The following RIMKLB variants were observed in gnomAD, a reference collection of about 807,000 sequenced individuals.
The protein encoded by RIMKLB is ribosomal modification protein rimK like family member B.
Under a neutral mutation model 32.0 loss-of-function variants are expected in RIMKLB, and 7 were observed. The observed-to-expected ratio is 0.22, with a 90% confidence interval of 0.12 to 0.41. The LOEUF (loss-of-function observed/expected upper bound fraction) is 0.41. Ranked by LOEUF, RIMKLB falls within the 10% of genes least tolerant of loss-of-function variation. The pLI, the probability that RIMKLB is intolerant of heterozygous loss-of-function variation, is 1.00. For synonymous variants in RIMKLB, 172 were observed against 185.1 expected (o/e 0.93, Z 0.57); for missense variants, 289 against 498.7 (o/e 0.58, Z 4.00).
chr12:8,752,012 A>G lies in RIMKLB; in HGVS notation c.462A>G (p.Pro154=). 2 of 1,613,472 alleles carry G rather than the reference A, an allele frequency of 1.2e-6. No individual in the cohort carries two copies. The highest frequency in any genetic ancestry group is 1.7e-6 in the Non-Finnish European group (2 of 1,179,450). ...MIDEAEVLEF[P]MVVKNTRGHR... is the part of the protein sequence containing the mutation. ...ATGAGGCTGAAGTTCTGGAGTTCCC[A>G]ATGGTAGTAAAGAATACGCGGGGTC... The change falls in exon 4 of 6, where the codon CCA becomes CCG. Residue 154 remains proline, a synonymous_variant. Transcript: ENST00000535829.
chr12:8,749,095 C>T (rs1948406614), intron 2 of RIMKLB, among the ~76,000 whole-genome samples: 1 of 152,054 alleles, frequency 6.6e-6, no homozygotes, highest in Non-Finnish European at 1.5e-5. Flanking sequence ...AAAAAACATA[C>T]AAAACATAAT....
At chr12:8,737,460 T>G (rs1947113838) in intron 2 of RIMKLB, among the ~76,000 whole-genome samples, 2 of 152,208 alleles carry the variant, frequency 1.3e-5, no homozygotes, top group African/African-American at 4.8e-5. Flanking sequence ...TCTCAACATT[T>G]GATTACTTGG....
intron 5 of RIMKLB, among the ~76,000 whole-genome samples, chr12:8,766,195 AT>A (rs1411073171): frequency 6.6e-6 from 1 of 152,126 alleles, no homozygotes; most frequent in Non-Finnish European, 1.5e-5. Flanking sequence ...TATGGTCTTA[AT>A]GCTTATTCCT....
At chr12:8,703,615 C>A (rs1943600792) in intron 1 of RIMKLB, among the ~76,000 whole-genome samples, 1 of 152,060 alleles carries the variant, frequency 6.6e-6, no homozygotes, top group Non-Finnish European at 1.5e-5. Context: ...AGATGAGGTC[C>A]CACTGTGTTG....
At chr12:8,771,867 AGTTTTGTTTTTGTTTT>A (rs924045110) in intron 5 of RIMKLB, among the ~76,000 whole-genome samples, 54 of 151,820 alleles carry the variant, frequency 3.6e-4, no homozygotes, top group Non-Finnish European at 7.8e-4. Context: ...TCAGTTCTCC[AGTTTTGTTTTTGTTTT>A]GTTTTGTTTT....
chr12:8,677,977 C>A (rs1372576802), upstream of RIMKLB, among the ~76,000 whole-genome samples: 1 of 151,264 alleles, frequency 6.6e-6, no homozygotes, highest in Non-Finnish European at 1.5e-5. Context: ...GAGACAGCAT[C>A]TTGCCATGTT....
At chr12:8,757,573 A>C (rs1474327840) in intron 5 of RIMKLB, among the ~76,000 whole-genome samples, 1 of 152,090 alleles carries the variant, frequency 6.6e-6, no homozygotes. Flanking sequence ...TAAGTTGTCA[A>C]TATAGTTATC....
downstream of RIMKLB, chr12:8,780,699 A>G (rs1017017641): frequency 6.6e-6 from 1 of 152,206 alleles, no homozygotes; most frequent in Non-Finnish European, 1.5e-5. Context: ...GGGGACAAAA[A>G]TGGAAACAGG....
In RIMKLB at chr12:8,776,274, CAT is replaced by C. The variant is rs1950721963; in HGVS notation, c.*2491_*2492del. The C allele has an allele frequency of 1.0e-6, 1 of 977,602 alleles. No homozygotes were observed. Among genetic ancestry groups the C allele is most frequent in the Non-Finnish European group, 1.2e-6 (1 of 822,952 alleles). The allele number at this position is 977,602 out of a possible 1,614,324, so 60.6% of individuals were successfully genotyped here. A position where few individuals can be genotyped will look rare whatever the true frequency, so the allele number is the denominator to read the frequency against. ...CACATGATATTAAAACGTACACTCA[CAT>C]GTTAGAATGAAAAGAGCAGTAGTTA... On this transcript the variant is annotated 3_prime_UTR_variant, in exon 6 of 6. Coordinates refer to ENST00000535829, the MANE Select transcript of RIMKLB (RefSeq NM_001297776.2).
At chr12:8,684,874 C>T (rs998363260) in intron 1 of RIMKLB, among the ~76,000 whole-genome samples, 2 of 152,192 alleles carry the variant, frequency 1.3e-5, no homozygotes, top group East Asian at 1.9e-4. Flanking sequence ...CTGCTCACCT[C>T]GGCCTTCCAA....
At chr12:8,669,888 G>A in the RIMKLB span, among the ~76,000 whole-genome samples, 5 of 151,830 alleles carry the variant, frequency 3.3e-5, no homozygotes, top group Admixed American at 6.6e-5. Flanking sequence ...TTAGCCGGGC[G>A]TGGTGGCGGG....
At chr12:8,721,371 A>G (rs1404995756) in intron 2 of RIMKLB, among the ~76,000 whole-genome samples, 1 of 152,198 alleles carries the variant, frequency 6.6e-6, no homozygotes, top group Admixed American at 6.5e-5. Flanking sequence ...TCAAAATTGG[A>G]GTCAGTCCTC....
chr12:8,739,642 T>A (rs2137463749), intron 2 of RIMKLB, among the ~76,000 whole-genome samples: 1 of 152,296 alleles, frequency 6.6e-6, no homozygotes, highest in Non-Finnish European at 1.5e-5. Flanking sequence ...GACTGATTTT[T>A]AAAAATTTTT....
chr12:8,725,880 C>T (rs1945937849), intron 2 of RIMKLB, among the ~76,000 whole-genome samples: 2 of 152,302 alleles, frequency 1.3e-5, no homozygotes, highest in South Asian at 2.1e-4. Context: ...CAAGGTCTCA[C>T]TGTGTCACCC....
intron 2 of RIMKLB, among the ~76,000 whole-genome samples, chr12:8,727,194 GCAAT>G (rs1946096865): frequency 6.6e-6 from 1 of 152,148 alleles, no homozygotes; most frequent in Non-Finnish European, 1.5e-5. Context: ...GATTATACAC[GCAAT>G]CAAATAAAGT....
the RIMKLB span, among the ~76,000 whole-genome samples, chr12:8,675,468 C>T: frequency 6.6e-6 from 1 of 152,200 alleles, no homozygotes; most frequent in Non-Finnish European, 1.5e-5. Context: ...CCTTAATCCA[C>T]TCCCAACTCT....
At chr12:8,720,008 G>A (rs1350830220) in intron 2 of RIMKLB, among the ~76,000 whole-genome samples, 1 of 152,170 alleles carries the variant, frequency 6.6e-6, no homozygotes, top group Admixed American at 6.5e-5. Flanking sequence ...GGGAGTGAGT[G>A]TAGGTGTGCA....
At chr12:8,772,532 G>A (rs781016959) in intron 5 of RIMKLB, among the ~76,000 whole-genome samples, 28 of 152,274 alleles carry the variant, frequency 1.8e-4, no homozygotes, top group East Asian at 5.8e-4. Flanking sequence ...AGTCTTCTAC[G>A]GAGGTACCTA....
At chr12:8,709,338 T>G (rs751760341) in intron 1 of RIMKLB, among the ~76,000 whole-genome samples, 22 of 152,240 alleles carry the variant, frequency 1.4e-4, no homozygotes, top group Non-Finnish European at 2.9e-4. Flanking sequence ...GCATTTCTGT[T>G]TTTTCCTGTT....
Sources: gnomAD v4.1 joint callset for allele counts (sites outside exome capture counted in the v4.1 genomes callset) on GRCh38, gnomAD v4.1.1 for gene constraint, MANE v1.5 for transcripts, NCBI Gene and HGNC (gene_info 2026-07-23, HGNC 2026-07-21) for gene names.